Variants in LRP1B observed in about 807,000 individuals in gnomAD.
LRP1B encodes LDL receptor related protein 1B.
In LRP1B, 217 loss-of-function variants were observed where a neutral mutation model predicts 556.6. The observed-to-expected ratio is 0.39, with a 90% CI of 0.35 to 0.44. The LOEUF (loss-of-function observed/expected upper bound fraction) is 0.44, where lower values mean the gene tolerates loss of function less well. Ranked by LOEUF, LRP1B falls within the 20% of genes least tolerant of loss-of-function variation. The probability of loss-of-function intolerance (pLI) is 1.00; values close to 1 mark genes in which losing one functional copy is unlikely to be tolerated. For synonymous variants in LRP1B, 2,047 were observed against 1,865.8 expected (o/e 1.10, Z -2.50); for missense variants, 5,053 against 5,620.8 (o/e 0.90, Z 3.23).
intron 11 of LRP1B, among the ~76,000 whole-genome samples, chr2:141,033,222 G>A (rs1308886683): frequency 6.6e-6 from 1 of 151,894 alleles, no homozygotes; most frequent in Non-Finnish European, 1.5e-5. Context: ...GGGAGGGAAG[G>A]TGGCTAGGCA....
At chr2:142,079,420 A>G (rs535192347) in intron 1 of LRP1B, among the ~76,000 whole-genome samples, 2 of 152,312 alleles carry the variant, frequency 1.3e-5, no homozygotes, top group African/African-American at 4.8e-5. Flanking sequence ...ATTTCAACTA[A>G]GTGCTCAGGT....
intron 2 of LRP1B, among the ~76,000 whole-genome samples, chr2:141,516,697 T>C (rs1484458174): frequency 3.2e-4 from 47 of 146,490 alleles, no homozygotes; most frequent in South Asian, 8.8e-4. Flanking sequence ...TCTCTCTTTT[T>C]TTTTTTTTTT....
intron 20 of LRP1B, among the ~76,000 whole-genome samples, chr2:140,931,491 A>T (rs1351127076): frequency 2.6e-5 from 4 of 152,144 alleles, no homozygotes; most frequent in Admixed American, 2.0e-4. Flanking sequence ...GAAAAAAAAA[A>T]TACAAGATTT....
chr2:140,917,488 C>T (rs1047038834), intron 21 of LRP1B, among the ~76,000 whole-genome samples: 7 of 152,062 alleles, frequency 4.6e-5, no homozygotes, highest in Non-Finnish European at 8.8e-5. Flanking sequence ...AATTGTGGCA[C>T]AATGGAATAT....
In LRP1B at chr2:141,876,773, C is replaced by T. The variant is rs541285515; in HGVS notation, c.83-66372G>A. On this transcript the variant is annotated intron_variant, in intron 1 of 90. Coordinates refer to ENST00000389484, the MANE Select transcript of LRP1B (RefSeq NM_018557.3). The stretch of plus-strand genomic sequence containing the variant: ...GCTTTCCATATGCATTTGTCATTAT[C>T]GAGGGTAATTAGAAAGCTGTGAGAA... Among the ~76,000 whole-genome samples the T allele has an allele frequency of 2.6e-5, 4 of 151,876 alleles. No homozygotes were observed. The South Asian group carries it at 6.2e-4, about 24-fold the overall frequency.
chr2:141,532,810 A>T (rs1310546624), intron 2 of LRP1B, among the ~76,000 whole-genome samples: 2 of 151,970 alleles, frequency 1.3e-5, no homozygotes, highest in Non-Finnish European at 2.9e-5. Flanking sequence ...AAATAGTGAA[A>T]CCCCGTCTCT....
At chr2:141,485,245 A>G (rs1683081015) in intron 2 of LRP1B, among the ~76,000 whole-genome samples, 1 of 152,128 alleles carries the variant, frequency 6.6e-6, no homozygotes, top group Non-Finnish European at 1.5e-5. Context: ...CTACTGGGTA[A>G]CTCATGAGAC....
intron 7 of LRP1B, among the ~76,000 whole-genome samples, chr2:141,126,198 AT>A (rs1177547488): frequency 3.3e-5 from 5 of 151,594 alleles, no homozygotes; most frequent in African/African-American, 9.7e-5. Flanking sequence ...CGCCTGACTA[AT>A]TTTTTTGTAT....
At chr2:140,616,391 G>T (rs546090393) in intron 41 of LRP1B, among the ~76,000 whole-genome samples, 221 of 151,404 alleles carry the variant, frequency 1.5e-3, no homozygotes, top group Non-Finnish European at 2.6e-3. Context: ...AATTTAAATC[G>T]TCTCCTTATT....
intron 7 of LRP1B, among the ~76,000 whole-genome samples, chr2:141,154,816 C>G (rs1018911034): frequency 2.0e-5 from 3 of 151,870 alleles, no homozygotes; most frequent in Admixed American, 2.0e-4. Context: ...TGCTTTAGGT[C>G]AGTATTGCAT....
intron 1 of LRP1B, among the ~76,000 whole-genome samples, chr2:142,092,932 G>A (rs1335656239): frequency 6.6e-6 from 1 of 152,140 alleles, no homozygotes; most frequent in South Asian, 2.1e-4. Context: ...TAAAGATCCT[G>A]AAATATACCA....
At chr2:141,019,249 A>T (rs1455017558) in intron 12 of LRP1B, among the ~76,000 whole-genome samples, 1 of 152,098 alleles carries the variant, frequency 6.6e-6, no homozygotes, top group African/African-American at 2.4e-5. Flanking sequence ...ATACTATAAA[A>T]TGATGTCCCT....
intron 58 of LRP1B, 67 bp from the exon 59 acceptor site, chr2:140,485,591 T>C (rs2105363553): frequency 8.5e-7 from 1 of 1,170,316 alleles, no homozygotes; most frequent in Non-Finnish European, 1.2e-6. Flanking sequence ...CAATTGCTTC[T>C]TGATTTTTAC....
chr2:140,390,806 A>ACACACAC (rs879372888), intron 66 of LRP1B, among the ~76,000 whole-genome samples: 1 of 146,608 alleles, frequency 6.8e-6, no homozygotes, highest in African/African-American at 2.5e-5. Flanking sequence ...ACACACACAC[A>ACACACAC]ACATATTTGA....
At chr2:141,504,974 C>T (rs918806861) in intron 2 of LRP1B, among the ~76,000 whole-genome samples, 6 of 152,018 alleles carry the variant, frequency 3.9e-5, no homozygotes, top group African/African-American at 1.4e-4. Flanking sequence ...TCCATCCTCA[C>T]AGAAAGTTTT....
At chr2:141,512,029 A>G (rs1236591861) in intron 2 of LRP1B, among the ~76,000 whole-genome samples, 1 of 152,198 alleles carries the variant, frequency 6.6e-6, no homozygotes, top group African/African-American at 2.4e-5. Context: ...TAATAATCAC[A>G]TACAGAAAAA....
At position 141,049,229 on chromosome 2, in the gene LRP1B, A is replaced by G. The variant is rs751812284; in HGVS notation, c.1553-7T>C. ...AACAACTCATTCTTTGGTCCTGCAG[A>G]GGAAAGATTACAAACACAAACAACT... On this transcript the variant is annotated splice_polypyrimidine_tract_variant and splice_region_variant and intron_variant, in intron 10 of 90. Coordinates refer to ENST00000389484, the MANE Select transcript of LRP1B (RefSeq NM_018557.3). The G allele has an allele frequency of 6.4e-7, 1 of 1,571,140 alleles. No individual in the cohort carries two copies. Among genetic ancestry groups the G allele is most frequent in the South Asian group, 1.1e-5 (1 of 90,210 alleles).
intron 1 of LRP1B, among the ~76,000 whole-genome samples, chr2:142,026,230 C>G (rs965681697): frequency 2.0e-5 from 3 of 152,098 alleles, no homozygotes; most frequent in African/African-American, 7.2e-5. Flanking sequence ...TTTTTACTCT[C>G]ATTTTTAACT....
chr2:141,267,798 C>T (rs545251097), intron 3 of LRP1B, among the ~76,000 whole-genome samples: 2 of 152,206 alleles, frequency 1.3e-5, no homozygotes, highest in African/African-American at 4.8e-5. Flanking sequence ...AAGGATTATA[C>T]ACATATAACT....
Sources: allele counts gnomAD v4.1 joint callset (sites outside exome capture counted in the v4.1 genomes callset), GRCh38; gene constraint gnomAD v4.1.1; transcripts MANE v1.5; gene names NCBI Gene and HGNC (gene_info 2026-07-23, HGNC 2026-07-21).